ZNF366: variants seen among roughly 807,000 people sequenced by gnomAD.
ZNF366 encodes dendritic cell-specific transcript protein.
Under a neutral mutation model 47.2 loss-of-function variants are expected in ZNF366, and 20 were observed. The observed-to-expected ratio is 0.42, with a 90% CI of 0.30 to 0.62. The LOEUF (loss-of-function observed/expected upper bound fraction) is 0.62. ZNF366 is among the 20% of genes least tolerant of loss of function. ZNF366 has a pLI of 0.16. For missense variants in ZNF366, 987 were observed against 976.3 expected, an observed-to-expected ratio of 1.01 and a Z score of -0.15; for synonymous variants, 421 against 395.1, an observed-to-expected ratio of 1.07 and a Z score of -0.78.
At chr5:72,462,740 G>A (rs186744138) in intron 1 of ZNF366, among the ~76,000 whole-genome samples, 233 of 151,940 alleles carry the variant, frequency 1.5e-3, no homozygotes, top group East Asian at 6.4e-3. Context: ...TAGTAGAGAC[G>A]GGGTTTCACC....
chr5:72,444,199 G>T lies in ZNF366; in HGVS notation c.1792C>A (p.Arg598=), dbSNP rs529612824. Reference sequence around the variant, plus strand: ...GACTGGAACACCGGCACCTTGGCCCGGCGCTTCTGAGAGAGGTCAAAGGGC... The same window carrying T: ...GACTGGAACACCGGCACCTTGGCCCTGCGCTTCTGAGAGAGGTCAAAGGGC... ...EEPFDLSQKR[R]AKVPVFQSDG... The change falls in exon 5 of 5, where the codon CGG becomes AGG. Residue 598 remains arginine (R), a synonymous_variant. Transcript: ENST00000318442. 1 of 1,613,272 alleles carries T rather than the reference G, an allele frequency of 6.2e-7. No homozygotes were observed. The highest frequency in any genetic ancestry group is 8.5e-7 in the Non-Finnish European group (1 of 1,180,036).
intron 3 of ZNF366, among the ~76,000 whole-genome samples, chr5:72,450,412 A>G (rs943387065): frequency 1.3e-5 from 2 of 152,160 alleles, no homozygotes; most frequent in African/African-American, 2.4e-5. Flanking sequence ...GGAGTCTCCA[A>G]TGAGCTGACT....
chr5:72,443,441 C>A lies in ZNF366; in HGVS notation c.*315G>T. 3.9e-6 allele frequency: 1 copy of A among 253,276 alleles called. No homozygotes were observed. The highest frequency in any genetic ancestry group is 2.2e-5 in the African/African-American group (1 of 44,990). 15.7% of individuals were successfully genotyped at this position (253,276 alleles called of 1,614,324 possible). A position where few individuals can be genotyped will look rare whatever the true frequency, so the allele number is the denominator to read the frequency against. On this transcript the variant is annotated 3_prime_UTR_variant, in exon 5 of 5. Transcript: ENST00000318442. The stretch of plus-strand genomic sequence containing the variant: ...AATTTACCATGTATTGCATATGAAT[C>A]AAAGGAAAGTAGAATTTCTAAAAGC...
chr5:72,490,903 G>C (rs778458643), intron 1 of ZNF366, among the ~76,000 whole-genome samples: 1 of 152,160 alleles, frequency 6.6e-6, no homozygotes, highest in Non-Finnish European at 1.5e-5. Flanking sequence ...AACCCCAGCA[G>C]TGGTAGGAGC....
In ZNF366 at chr5:72,461,050, G is replaced by T. The variant is rs943812342; in HGVS notation, c.447C>A (p.Pro149=). Residue 149 remains proline, a synonymous_variant, in exon 2 of 5, where the codon CCC becomes CCA. Coordinates refer to ENST00000318442, the MANE Select transcript of ZNF366 (RefSeq NM_152625.3). ...TGGGCTTAATGGGTTCCTGCTTGAC[G>T]GGCTTGCCCCCAAAGTGTTCCAGGC... ...YRSLEHFGGK[P]VKQEPIKPSA... is the part of the protein sequence containing the mutation. The T allele has an allele frequency of 1.2e-6, 2 of 1,614,114 alleles. No homozygotes were observed. Among genetic ancestry groups the T allele is most frequent in the Admixed American group, 1.7e-5 (1 of 60,028 alleles).
chr5:72,491,750 C>A (rs1744014773), intron 1 of ZNF366, among the ~76,000 whole-genome samples: 1 of 152,118 alleles, frequency 6.6e-6, no homozygotes, highest in Admixed American at 6.5e-5. Context: ...AGGAGGAAGA[C>A]CTGAGACAAG....
chr5:72,458,148 C>T (rs919126980), intron 2 of ZNF366, among the ~76,000 whole-genome samples: 2 of 151,340 alleles, frequency 1.3e-5, no homozygotes, highest in African/African-American at 4.9e-5. Flanking sequence ...TTCCGAGTAG[C>T]TGGAACTACA....
intron 1 of ZNF366, among the ~76,000 whole-genome samples, chr5:72,499,970 A>G (rs771712776): frequency 1.6e-4 from 24 of 152,056 alleles, no homozygotes; most frequent in Non-Finnish European, 1.5e-5. Context: ...CACCCCTCCA[A>G]CAATAGTCTC....
intron 1 of ZNF366, among the ~76,000 whole-genome samples, chr5:72,472,139 G>T (rs187506048): frequency 3.0e-4 from 46 of 152,246 alleles, no homozygotes; most frequent in African/African-American, 1.1e-3. Context: ...CACTATGCTG[G>T]GTGCCAGGAG....
intron 4 of ZNF366, among the ~76,000 whole-genome samples, chr5:72,446,692 A>C (rs57345064): frequency 6.6e-6 from 1 of 152,236 alleles, no homozygotes. Flanking sequence ...GTGAACAAGT[A>C]GGAAAGACCT....
At chr5:72,501,163 T>C (rs1744203570) in intron 1 of ZNF366, among the ~76,000 whole-genome samples, 3 of 152,150 alleles carry the variant, frequency 2.0e-5, no homozygotes, top group Non-Finnish European at 4.4e-5. Context: ...TAGTAATGAC[T>C]CCTCCATAAT....
chr5:72,466,609 T>C (rs911113286), intron 1 of ZNF366, among the ~76,000 whole-genome samples: 4 of 152,232 alleles, frequency 2.6e-5, no homozygotes, highest in Admixed American at 2.6e-4. Flanking sequence ...GGATGGAACC[T>C]GGCTCAAAGT....
At chr5:72,459,014 C>T (rs1743248048) in intron 2 of ZNF366, among the ~76,000 whole-genome samples, 1 of 152,098 alleles carries the variant, frequency 6.6e-6, no homozygotes, top group African/African-American at 2.4e-5. Context: ...AGTCTGGGTC[C>T]TTTGTTGATG....
intron 3 of ZNF366, among the ~76,000 whole-genome samples, chr5:72,450,618 A>G (rs1466143594): frequency 6.6e-6 from 1 of 152,180 alleles, no homozygotes; most frequent in African/African-American, 2.4e-5. Flanking sequence ...TAAACTCCTC[A>G]GTGGCAGAAG....
rs1258777580 is a variant in ZNF366, at chr5:72,441,129, ACTCT to A, written c.*2623_*2626del. ...TCTGAAAACCACCATTCTAGACCAT[ACTCT>A]CTCTGTCTCAACATTAACTGGTCCC... On this transcript the variant is annotated 3_prime_UTR_variant, in exon 5 of 5. Transcript: ENST00000318442. The A allele has an allele frequency of 2.6e-5, 4 of 151,548 alleles. No homozygotes were observed. Among genetic ancestry groups the A allele is most frequent in the African/African-American group, 9.7e-5 (4 of 41,198 alleles). The allele number at this position is 151,548 out of a possible 1,614,324, so 9.4% of individuals were successfully genotyped here.
At chr5:72,471,251 A>G (rs1262281952) in intron 1 of ZNF366, among the ~76,000 whole-genome samples, 3 of 152,186 alleles carry the variant, frequency 2.0e-5, no homozygotes, top group East Asian at 3.8e-4. Context: ...ACTTCTTGCT[A>G]TATTTCTGCC....
At chr5:72,491,706 T>C (rs1744013726) in intron 1 of ZNF366, among the ~76,000 whole-genome samples, 1 of 152,180 alleles carries the variant, frequency 6.6e-6, no homozygotes, top group Non-Finnish European at 1.5e-5. Context: ...CTAACAACAC[T>C]GGTAAGAAGG....
chr5:72,503,615 A>T (rs548032887), intron 1 of ZNF366, among the ~76,000 whole-genome samples: 1 of 152,128 alleles, frequency 6.6e-6, no homozygotes, highest in Non-Finnish European at 1.5e-5. Flanking sequence ...GAGAAAATTG[A>T]GATCCAAGCA....
intron 1 of ZNF366, 70 bp from the exon 2 acceptor site, chr5:72,461,580 A>G: frequency 6.7e-7 from 1 of 1,500,262 alleles, no homozygotes; most frequent in African/African-American, 1.4e-5. Context: ...CTTAAGGATT[A>G]TGGCTATTTA....
Sources: gnomAD v4.1 joint callset for allele counts (sites outside exome capture counted in the v4.1 genomes callset) on GRCh38, gnomAD v4.1.1 for gene constraint, MANE v1.5 for transcripts, NCBI Gene and HGNC (gene_info 2026-07-23, HGNC 2026-07-21) for gene names.